The following MCEE variants were observed in gnomAD, a reference collection of about 807,000 sequenced individuals.
MCEE encodes the protein methylmalonyl-CoA epimerase.
In MCEE, 6 loss-of-function variants were observed where a neutral mutation model predicts 12.9. The observed-to-expected ratio is 0.47, with a 90% CI of 0.26 to 0.92. The LOEUF (loss-of-function observed/expected upper bound fraction) is 0.92. Ranked by LOEUF, MCEE falls within the 40% of genes least tolerant of loss-of-function variation. The pLI is 0.16. For missense variants in MCEE, 214 were observed against 212.1 expected, an observed-to-expected ratio of 1.01 and a Z score of -0.05; for synonymous variants, 78 against 77.9, an observed-to-expected ratio of 1.00 and a Z score of -0.01.
intron 2 of MCEE, among the ~76,000 whole-genome samples, chr2:71,111,202 G>A (rs906882268): frequency 1.3e-5 from 2 of 151,952 alleles, no homozygotes; most frequent in Admixed American, 6.6e-5. Flanking sequence ...AAAGTCACAC[G>A]TGCCTAGATT....
At chr2:71,122,109 A>T (rs1043238335) in intron 2 of MCEE, among the ~76,000 whole-genome samples, 1 of 152,202 alleles carries the variant, frequency 6.6e-6, no homozygotes, top group Non-Finnish European at 1.5e-5. Context: ...TAGACATACT[A>T]CTAGAGGACT....
At chr2:71,123,360 G>A (rs1392736583) in intron 2 of MCEE, among the ~76,000 whole-genome samples, 7 of 152,084 alleles carry the variant, frequency 4.6e-5, no homozygotes, top group South Asian at 2.1e-4. Flanking sequence ...GCATGGTGGC[G>A]CATGCCTGTA....
chr2:71,125,188 A>AATATATATATATATATATATAT (rs67615436), intron 1 of MCEE, among the ~76,000 whole-genome samples: 24 of 65,658 alleles, frequency 3.7e-4, no homozygotes, highest in South Asian at 6.6e-4. Flanking sequence ...TATATATATA[A>AATATATATATATATATATATAT]ATATATATAT....
intron 2 of MCEE, among the ~76,000 whole-genome samples, chr2:71,115,613 A>C (rs1483115424): frequency 2.0e-5 from 3 of 150,510 alleles, no homozygotes; most frequent in Non-Finnish European, 4.4e-5. Flanking sequence ...TAGATGCAAT[A>C]GTTGTAAGAA....
chr2:71,112,405 G>T (rs1672904131), intron 2 of MCEE, among the ~76,000 whole-genome samples: 1 of 139,032 alleles, frequency 7.2e-6, no homozygotes, highest in Non-Finnish European at 1.5e-5. Flanking sequence ...AAAGTGCTGG[G>T]ATTACAGGCG....
intron 2 of MCEE, among the ~76,000 whole-genome samples, chr2:71,112,194 T>C (rs552565837): frequency 2.0e-5 from 3 of 152,288 alleles, no homozygotes; most frequent in African/African-American, 7.2e-5. Context: ...TGGAGTGTAG[T>C]AGTGCGATCT....
At position 71,112,012 on chromosome 2, in the gene MCEE, G is replaced by T. The variant is rs563597160; in HGVS notation, c.379-1890C>A. On this transcript the variant is annotated intron_variant, in intron 2 of 2. Coordinates refer to ENST00000244217, the MANE Select transcript of MCEE (RefSeq NM_032601.4). ...CGGAATCAGATTTCTAAATTGGCAG[G>T]TTTTTTCTGTCAGCAACTAAAAAGT... Among the ~76,000 whole-genome samples, 3 of 152,264 alleles carry T rather than the reference G, an allele frequency of 2.0e-5. No homozygotes were observed. The South Asian group carries it at 6.2e-4, about 32-fold the overall frequency.
chr2:71,128,312 G>C (rs1232737796), intron 1 of MCEE, among the ~76,000 whole-genome samples: 1 of 152,006 alleles, frequency 6.6e-6, no homozygotes, highest in Non-Finnish European at 1.5e-5. Context: ...CTTAAAAGAG[G>C]GGCCATAACA....
chr2:71,121,658 C>A (rs1476359514), intron 2 of MCEE, among the ~76,000 whole-genome samples: 1 of 151,294 alleles, frequency 6.6e-6, no homozygotes, highest in South Asian at 2.1e-4. Flanking sequence ...AAAGCATGGG[C>A]TCTCTTGATG....
chr2:71,128,690 C>T (rs1238305376), intron 1 of MCEE, among the ~76,000 whole-genome samples: 1 of 151,988 alleles, frequency 6.6e-6, no homozygotes, highest in Non-Finnish European at 1.5e-5. Flanking sequence ...CTACCACGCC[C>T]GGCTAATTTT....
At chr2:71,116,074 G>A (rs971327459) in intron 2 of MCEE, among the ~76,000 whole-genome samples, 3 of 149,744 alleles carry the variant, frequency 2.0e-5, no homozygotes, top group Non-Finnish European at 1.5e-5. Context: ...AGTGAAAATC[G>A]GGGCTATTTA....
intron 2 of MCEE, 140 bp downstream of exon 2, chr2:71,124,066 G>A: frequency 1.5e-6 from 1 of 656,742 alleles, no homozygotes; most frequent in Non-Finnish European, 2.7e-6. Context: ...ATCCACCTTT[G>A]AGGAGGATGA....
chr2:71,129,155 C>T (rs1179417662), intron 1 of MCEE, among the ~76,000 whole-genome samples: 1 of 152,122 alleles, frequency 6.6e-6, no homozygotes, highest in East Asian at 1.9e-4. Flanking sequence ...AAGTACAAAA[C>T]AAACATGCAC....
Position 71,130,164 on chromosome 2 carries a change from G to T in MCEE, c.40+16C>A. The T allele has an allele frequency of 6.2e-7, 1 of 1,607,494 alleles. No homozygotes were observed. The highest frequency in any genetic ancestry group is 8.5e-7 in the Non-Finnish European group (1 of 1,177,718). On this transcript the variant is annotated intron_variant, in intron 1 of 2. Coordinates refer to ENST00000244217, the MANE Select transcript of MCEE (RefSeq NM_032601.4). ...TCCCTGTCCCATGGCGAAGGTCGCC[G>T]GTGCCCGGTATTCACCTACGGCATT...
chr2:71,125,209 A>ATTTTTTTTTTTTT (rs1449400615), intron 1 of MCEE, among the ~76,000 whole-genome samples: 3 of 48,164 alleles, frequency 6.2e-5, no homozygotes, highest in Non-Finnish European at 9.7e-5. Flanking sequence ...ATATATATAT[A>ATTTTTTTTTTTTT]TATTTTTTTT....
At chr2:71,125,203 A>ATTT (rs1222185444) in intron 1 of MCEE, among the ~76,000 whole-genome samples, 5 of 42,768 alleles carry the variant, frequency 1.2e-4, no homozygotes, top group African/African-American at 3.5e-4. Flanking sequence ...ATATATATAT[A>ATTT]TATATATATT....
At position 71,124,278 on chromosome 2, in the gene MCEE, C is replaced by G; in HGVS notation, c.306G>C (p.Leu102Phe). 1 of 1,614,152 alleles carries G rather than the reference C, an allele frequency of 6.2e-7. No individual in the cohort carries two copies. Among genetic ancestry groups the G allele is most frequent in the Non-Finnish European group, 8.5e-7 (1 of 1,180,002 alleles). ...AACCTGCAATTGGACTGTCACGTCC[C>G]AATGGATGAAGCAGTTCCATCTTGG... ...GNTKMELLHP[L>F]GRDSPIAGFL... Residue 102 changes from leucine (L) to phenylalanine (F), a missense_variant, in exon 2 of 3, where the codon TTG (leucine) becomes TTC (phenylalanine). Transcript: ENST00000244217.
intron 2 of MCEE, chr2:71,110,637 G>A (rs1208233652): frequency 6.5e-6 from 1 of 154,298 alleles, no homozygotes; most frequent in African/African-American, 2.4e-5. Flanking sequence ...TATTACCTTT[G>A]ACATTATCAA....
rs1672846580 is a variant in MCEE, at chr2:71,109,711, T to C, written c.*259A>G. 4.0e-6 allele frequency: 1 copy of C among 248,976 alleles called. No homozygotes were observed. Among genetic ancestry groups the C allele is most frequent in the Non-Finnish European group, 7.5e-6 (1 of 132,974 alleles). The allele number at this position is 248,976 out of a possible 1,614,324, so 15.4% of individuals were successfully genotyped here. ...GTAGAAGAGGAATAATTTATTTCTA[T>C]ATGATTTTAATAATGTTCCCTAAGT... On this transcript the variant is annotated 3_prime_UTR_variant, in exon 3 of 3. Transcript: ENST00000244217.
Sources: gnomAD v4.1 joint callset for allele counts (sites outside exome capture counted in the v4.1 genomes callset) on GRCh38, gnomAD v4.1.1 for gene constraint, MANE v1.5 for transcripts, NCBI Gene and HGNC (gene_info 2026-07-23, HGNC 2026-07-21) for gene names.